The following CSMD1 variants were observed in gnomAD, a reference collection of about 807,000 sequenced individuals.
CSMD1 encodes the protein CUB and sushi domain-containing protein 1.
A neutral mutation model predicts 417.5 loss-of-function variants in CSMD1; 213 were observed. The ratio of observed to expected loss-of-function variants is 0.51; its 90% CI spans 0.46 to 0.57. CSMD1 has a LOEUF of 0.57. Among genes scored for constraint, CSMD1 ranks in the 20% least tolerant of loss-of-function variants. The pLI is 0.00. For synonymous variants in CSMD1, 2,862 were observed against 1,736.8 expected, an observed-to-expected ratio of 1.65 and a Z score of -16.11; for missense variants, 6,923 against 4,529.7, an observed-to-expected ratio of 1.53 and a Z score of -15.17.
chr8:3,924,718 T>C (rs1357484047), intron 5 of CSMD1, among the ~76,000 whole-genome samples: 2 of 152,174 alleles, frequency 1.3e-5, no homozygotes, highest in African/African-American at 4.8e-5. Flanking sequence ...TTCATATTTA[T>C]AATGTTCACC....
intron 2 of CSMD1, among the ~76,000 whole-genome samples, chr8:4,537,169 C>G (rs986142070): frequency 1.3e-5 from 2 of 152,042 alleles, no homozygotes; most frequent in African/African-American, 4.8e-5. Context: ...ACTTTTCTGT[C>G]ATGAGACTAC....
chr8:4,059,779 G>T (rs1373131847), intron 3 of CSMD1, among the ~76,000 whole-genome samples: 77 of 151,806 alleles, frequency 5.1e-4, no homozygotes, highest in African/African-American at 1.6e-3. Context: ...AATAACAGGA[G>T]CTGCAATTGT....
chr8:4,017,681 G>C (rs1228840535), intron 4 of CSMD1, among the ~76,000 whole-genome samples: 1 of 151,520 alleles, frequency 6.6e-6, no homozygotes. Context: ...TTTCAAATTC[G>C]ACTTCAAAAA....
chr8:4,424,000 G>A (rs1797404222), intron 2 of CSMD1, among the ~76,000 whole-genome samples: 1 of 152,000 alleles, frequency 6.6e-6, no homozygotes. Context: ...TCAATTGGAT[G>A]TCCATAGCAA....
intron 30 of CSMD1, among the ~76,000 whole-genome samples, chr8:3,212,671 C>A (rs931929999): frequency 3.3e-5 from 5 of 151,838 alleles, no homozygotes; most frequent in Non-Finnish European, 5.9e-5. Flanking sequence ...TTACTCTGTG[C>A]CAGTCTCTAC....
rs577408828 is a variant in CSMD1, at chr8:3,272,390, C to T, written c.4153+11754G>A. ...GATGCCTCCAGCTTTGTTCTTTTGG[C>T]TCAGGACTGACTTGGCAATGTGGGC... On this transcript the variant is annotated intron_variant, in intron 26 of 69. Coordinates refer to ENST00000635120, the MANE Select transcript of CSMD1 (RefSeq NM_033225.6). Among the ~76,000 whole-genome samples, 4 of 150,830 alleles carry T rather than the reference C, an allele frequency of 2.7e-5. No homozygotes were observed. The East Asian group carries it at 5.8e-4, about 22-fold the overall frequency.
At chr8:3,935,033 T>G (rs1166680938) in intron 5 of CSMD1, among the ~76,000 whole-genome samples, 2 of 152,172 alleles carry the variant, frequency 1.3e-5, no homozygotes, top group Non-Finnish European at 2.9e-5. Flanking sequence ...ACTCCAAAGC[T>G]AGTCTCGTTT....
chr8:4,259,545 T>C (rs1803725821), intron 3 of CSMD1, among the ~76,000 whole-genome samples: 2 of 151,958 alleles, frequency 1.3e-5, no homozygotes, highest in African/African-American at 4.8e-5. Context: ...ATGTCTTTTT[T>C]TTTTTGATTT....
intron 54 of CSMD1, among the ~76,000 whole-genome samples, chr8:2,993,444 A>G (rs1252616972): frequency 6.6e-6 from 1 of 152,200 alleles, no homozygotes; most frequent in Non-Finnish European, 1.5e-5. Context: ...CTATTACAAA[A>G]GAGGAGTGTC....
At chr8:3,755,066 GT>G (rs1489922224) in intron 5 of CSMD1, among the ~76,000 whole-genome samples, 1 of 152,072 alleles carries the variant, frequency 6.6e-6, no homozygotes, top group Non-Finnish European at 1.5e-5. Flanking sequence ...AAACAATCAT[GT>G]GTTTTATTTC....
At chr8:4,652,247 G>C (rs541571596) in intron 1 of CSMD1, among the ~76,000 whole-genome samples, 6 of 152,184 alleles carry the variant, frequency 3.9e-5, no homozygotes, top group Non-Finnish European at 8.8e-5. Flanking sequence ...GGAAAATGAT[G>C]TCAGAATAGA....
chr8:4,050,992 G>A (rs1050242467), intron 3 of CSMD1, among the ~76,000 whole-genome samples: 2 of 152,044 alleles, frequency 1.3e-5, no homozygotes, highest in Non-Finnish European at 2.9e-5. Context: ...GGAGTGACAT[G>A]CCCTACTTTT....
intron 3 of CSMD1, among the ~76,000 whole-genome samples, chr8:4,089,210 A>G (rs927313407): frequency 3.3e-5 from 5 of 152,150 alleles, no homozygotes; most frequent in African/African-American, 9.7e-5. Flanking sequence ...CTTTTGTATT[A>G]CCTATAAGCT....
intron 1 of CSMD1, among the ~76,000 whole-genome samples, chr8:4,697,513 C>A (rs948797423): frequency 1.3e-5 from 2 of 152,126 alleles, no homozygotes; most frequent in Admixed American, 1.3e-4. Context: ...AGGTGGAATT[C>A]TATGTCCTGT....
intron 3 of CSMD1, among the ~76,000 whole-genome samples, chr8:4,176,342 G>C (rs188107110): frequency 4.6e-5 from 7 of 152,104 alleles, no homozygotes; most frequent in African/African-American, 1.7e-4. Context: ...CTTTTAAATT[G>C]AAAATAAATT....
At chr8:4,553,439 ATTT>A (rs34779117) in intron 2 of CSMD1, among the ~76,000 whole-genome samples, 7 of 139,466 alleles carry the variant, frequency 5.0e-5, no homozygotes, top group South Asian at 4.6e-4. Flanking sequence ...CTGAAAAAGA[ATTT>A]TTTTTTTTTT....
At chr8:4,484,393 C>T (rs1326137472) in intron 2 of CSMD1, among the ~76,000 whole-genome samples, 1 of 152,070 alleles carries the variant, frequency 6.6e-6, no homozygotes, top group East Asian at 1.9e-4. Context: ...CTCTCTCATT[C>T]ACGAACTATA....
intron 26 of CSMD1, among the ~76,000 whole-genome samples, chr8:3,260,936 C>T (rs1470448085): frequency 6.6e-6 from 1 of 152,022 alleles, no homozygotes; most frequent in Non-Finnish European, 1.5e-5. Flanking sequence ...ATAAAGAATG[C>T]TCAAGACTGA....
chr8:3,830,749 CA>C (rs1377996761), intron 5 of CSMD1, among the ~76,000 whole-genome samples: 1 of 152,024 alleles, frequency 6.6e-6, no homozygotes, highest in Non-Finnish European at 1.5e-5. Context: ...AATAATTATT[CA>C]AAAGAACTTA....
Sources: allele counts gnomAD v4.1 joint callset (sites outside exome capture counted in the v4.1 genomes callset), GRCh38; gene constraint gnomAD v4.1.1; transcripts MANE v1.5; gene names NCBI Gene and HGNC (gene_info 2026-07-23, HGNC 2026-07-21).